BBS9: variants seen among roughly 807,000 people sequenced by gnomAD.
The protein encoded by BBS9 is Bardet-Biedl syndrome 9, also known as protein PTHB1.
A neutral mutation model predicts 117.7 loss-of-function variants in BBS9; 89 were observed. The observed-to-expected ratio is 0.76, with a 90% CI of 0.64 to 0.90. BBS9 has a LOEUF of 0.90. BBS9 is among the 40% of genes least tolerant of loss of function. BBS9 has a pLI of 0.00. For synonymous variants in BBS9, 379 were observed against 370.9 expected (o/e 1.02, Z -0.25); for missense variants, 982 against 1,042.2 (o/e 0.94, Z 0.80).
intron 21 of BBS9, among the ~76,000 whole-genome samples, chr7:33,565,868 A>G (rs1345097975): frequency 1.4e-5 from 2 of 139,966 alleles, no homozygotes; most frequent in Non-Finnish European, 3.1e-5. Flanking sequence ...ATATATATAT[A>G]TAGCTATAAA....
chr7:33,317,727 A>T (rs1269626245), intron 9 of BBS9, among the ~76,000 whole-genome samples: 1 of 152,200 alleles, frequency 6.6e-6, no homozygotes, highest in Non-Finnish European at 1.5e-5. Context: ...TTTGTCAAAG[A>T]TGAATCTGAT....
At chr7:33,170,141 C>T (rs1283480605) in intron 4 of BBS9, among the ~76,000 whole-genome samples, 1 of 151,432 alleles carries the variant, frequency 6.6e-6, no homozygotes, top group African/African-American at 2.4e-5. Flanking sequence ...CTGGAAGAGA[C>T]ACAACCAAAA....
chr7:33,376,874 G>C (rs1372438113), intron 17 of BBS9, among the ~76,000 whole-genome samples: 1 of 152,048 alleles, frequency 6.6e-6, no homozygotes, highest in Non-Finnish European at 1.5e-5. Flanking sequence ...CGTATCCTTT[G>C]CTCACTTTTT....
chr7:33,538,343 A>G (rs1851789311), intron 21 of BBS9, among the ~76,000 whole-genome samples: 1 of 152,242 alleles, frequency 6.6e-6, no homozygotes, highest in South Asian at 2.1e-4. Context: ...CCACCCAGGA[A>G]TTAGCATTTT....
At chr7:33,528,514 A>C (rs918235814) in intron 20 of BBS9, among the ~76,000 whole-genome samples, 1 of 152,180 alleles carries the variant, frequency 6.6e-6, no homozygotes, top group Non-Finnish European at 1.5e-5. Flanking sequence ...TTTGAAAAAA[A>C]GTTTAAGGAT....
At chr7:33,331,206 A>T (rs141354408) in intron 9 of BBS9, among the ~76,000 whole-genome samples, 1 of 152,386 alleles carries the variant, frequency 6.6e-6, no homozygotes, top group African/African-American at 2.4e-5. Context: ...AAAGCATTTT[A>T]TAAAATCCAG....
intron 7 of BBS9, among the ~76,000 whole-genome samples, chr7:33,272,594 T>A (rs1799984551): frequency 1.3e-5 from 2 of 152,152 alleles, no homozygotes; most frequent in Non-Finnish European, 2.9e-5. Flanking sequence ...TGCTATACTC[T>A]CTAGTGGCTT....
At chr7:33,327,797 A>G (rs1203417877) in intron 9 of BBS9, among the ~76,000 whole-genome samples, 2 of 152,196 alleles carry the variant, frequency 1.3e-5, no homozygotes, top group Non-Finnish European at 2.9e-5. Context: ...AAGGCTGGCA[A>G]TATTTGCTGA....
chr7:33,202,266 G>A lies in BBS9; in HGVS notation c.442+24675G>A, dbSNP rs796487491. Reference sequence around the variant, plus strand: ...AGATGCTAGGATTATTATCATTCTAGTATTATTTTTGGAAGAAGAGGAGAT... The same window carrying A: ...AGATGCTAGGATTATTATCATTCTAATATTATTTTTGGAAGAAGAGGAGAT... On this transcript the variant is annotated intron_variant, in intron 5 of 22. Coordinates refer to ENST00000242067, the MANE Select transcript of BBS9 (RefSeq NM_198428.3). Among the ~76,000 whole-genome samples, 10 of 152,254 alleles carry A rather than the reference G, an allele frequency of 6.6e-5. No homozygotes were observed. The South Asian group carries it at 2.1e-3, about 32-fold the overall frequency.
intron 19 of BBS9, among the ~76,000 whole-genome samples, chr7:33,426,943 TCCCTGCAGAGCAGAGGGTAG>T (rs1167598461): frequency 6.6e-6 from 1 of 152,172 alleles, no homozygotes; most frequent in Admixed American, 6.5e-5. Flanking sequence ...AGGTAGTATC[TCCCTGCAGAGCAGAGGGTAG>T]GTTGTTTACT....
At chr7:33,277,602 G>T (rs374534003) in intron 9 of BBS9, among the ~76,000 whole-genome samples, 6 of 152,302 alleles carry the variant, frequency 3.9e-5, no homozygotes, top group African/African-American at 4.8e-5. Flanking sequence ...TCTCATTGAA[G>T]GCTCATAGGT....
At chr7:33,612,312 T>C (rs1361496349) in intron 21 of BBS9, among the ~76,000 whole-genome samples, 1 of 152,004 alleles carries the variant, frequency 6.6e-6, no homozygotes, top group Non-Finnish European at 1.5e-5. Context: ...CATTAAACAT[T>C]CTCCAGACTT....
intron 9 of BBS9, among the ~76,000 whole-genome samples, chr7:33,308,262 G>A (rs1209739757): frequency 6.6e-6 from 1 of 152,146 alleles, no homozygotes; most frequent in Non-Finnish European, 1.5e-5. Flanking sequence ...GGAAGGACTG[G>A]ATTTGGAGGA....
chr7:33,576,950 C>T (rs1394659138), intron 21 of BBS9, among the ~76,000 whole-genome samples: 4 of 152,040 alleles, frequency 2.6e-5, no homozygotes, highest in Non-Finnish European at 4.4e-5. Context: ...CCATAAAAAC[C>T]CTAGAAGAAA....
At chr7:33,155,912 T>C (rs1794034715) in intron 4 of BBS9, among the ~76,000 whole-genome samples, 1 of 152,164 alleles carries the variant, frequency 6.6e-6, no homozygotes, top group Non-Finnish European at 1.5e-5. Flanking sequence ...TCTGTGTATA[T>C]GTATCTTTCT....
At chr7:33,177,690 A>C in intron 5 of BBS9, 99 bp downstream of exon 5, 1 of 878,156 alleles carries the variant, frequency 1.1e-6, no homozygotes, top group Non-Finnish European at 1.9e-6. Flanking sequence ...TCTCAGAAAG[A>C]GTTAAAATAG....
intron 9 of BBS9, among the ~76,000 whole-genome samples, chr7:33,301,989 A>G (rs1017292525): frequency 2.6e-5 from 4 of 152,048 alleles, no homozygotes; most frequent in Non-Finnish European, 4.4e-5. Flanking sequence ...GTCAGATTAT[A>G]TCTTATTGTA....
chr7:33,551,057 T>C (rs1038817965), intron 21 of BBS9, among the ~76,000 whole-genome samples: 2 of 152,204 alleles, frequency 1.3e-5, no homozygotes, highest in African/African-American at 4.8e-5. Flanking sequence ...TCAGAAGTTA[T>C]GATTTATGCT....
At chr7:33,152,504 A>G (rs146902612) in intron 2 of BBS9, among the ~76,000 whole-genome samples, 197 bp from the exon 3 acceptor site, 1 of 152,304 alleles carries the variant, frequency 6.6e-6, no homozygotes, top group Non-Finnish European at 1.5e-5. Context: ...ATGTAAAGCT[A>G]TTTATGAAAG....
Sources: allele counts gnomAD v4.1 joint callset (sites outside exome capture counted in the v4.1 genomes callset), GRCh38; gene constraint gnomAD v4.1.1; transcripts MANE v1.5; gene names NCBI Gene and HGNC (gene_info 2026-07-23, HGNC 2026-07-21).